The following MAGI2 variants were observed in gnomAD, a reference collection of about 807,000 sequenced individuals.
MAGI2 encodes membrane-associated guanylate kinase, WW and PDZ domain-containing protein 2.
MAGI2 carries 35 observed loss-of-function variants against 133.3 expected under a neutral mutation model. The observed-to-expected ratio is 0.26, with a 90% CI of 0.20 to 0.35. The LOEUF is 0.35. Ranked by LOEUF, MAGI2 falls within the 10% of genes least tolerant of loss-of-function variation. The pLI is 1.00. For synonymous variants in MAGI2, 729 were observed against 710.6 expected (o/e 1.03, Z -0.41); for missense variants, 1,636 against 1,863.4 (o/e 0.88, Z 2.25).
At chr7:78,058,511 G>A (rs889472630) in intron 21 of MAGI2, among the ~76,000 whole-genome samples, 1 of 138,772 alleles carries the variant, frequency 7.2e-6, no homozygotes, top group African/African-American at 2.7e-5. Context: ...TCGCTTTGTT[G>A]CCCAGGCTGG....
intron 1 of MAGI2, among the ~76,000 whole-genome samples, chr7:79,061,943 A>T (rs1406705680): frequency 6.6e-6 from 1 of 152,180 alleles, no homozygotes; most frequent in Non-Finnish European, 1.5e-5. Context: ...CATAGAAATC[A>T]TAATGCCTAC....
At chr7:78,214,898 C>T (rs762194283) in intron 10 of MAGI2, among the ~76,000 whole-genome samples, 13 of 152,146 alleles carry the variant, frequency 8.5e-5, no homozygotes, top group Non-Finnish European at 1.3e-4. Flanking sequence ...TTTCGTATCC[C>T]CAGGTTCTCC....
At chr7:78,280,599 A>G (rs1349616966) in intron 9 of MAGI2, among the ~76,000 whole-genome samples, 1 of 152,160 alleles carries the variant, frequency 6.6e-6, no homozygotes, top group African/African-American at 2.4e-5. Context: ...CCCGTGACAT[A>G]TAAGTATCAC....
intron 1 of MAGI2, among the ~76,000 whole-genome samples, chr7:79,159,048 A>T (rs567408951): frequency 6.6e-6 from 1 of 152,254 alleles, no homozygotes; most frequent in East Asian, 1.9e-4. Flanking sequence ...CAGGAAATAA[A>T]AGATGTAAAG....
chr7:78,786,329 C>T (rs775480716), intron 2 of MAGI2, among the ~76,000 whole-genome samples: 1 of 152,204 alleles, frequency 6.6e-6, no homozygotes, highest in Non-Finnish European at 1.5e-5. Flanking sequence ...CCTAACTGTT[C>T]TCCTTGCTTC....
At chr7:79,314,381 T>C (rs1207792218) in intron 1 of MAGI2, among the ~76,000 whole-genome samples, 1 of 152,184 alleles carries the variant, frequency 6.6e-6, no homozygotes, top group African/African-American at 2.4e-5. Context: ...AGTGCTGAGA[T>C]TACGGGAATA....
chr7:79,331,267 T>A (rs918216925), intron 1 of MAGI2, among the ~76,000 whole-genome samples: 1 of 152,170 alleles, frequency 6.6e-6, no homozygotes, highest in Non-Finnish European at 1.5e-5. Context: ...AATGAGTCCA[T>A]AATATGCAAA....
At chr7:78,036,215 C>T (rs780064925) in intron 21 of MAGI2, among the ~76,000 whole-genome samples, 4 of 152,148 alleles carry the variant, frequency 2.6e-5, no homozygotes, top group Non-Finnish European at 5.9e-5. Context: ...TAGAGTGAGG[C>T]AGTGTAGATA....
At position 78,439,759 on chromosome 7, in the gene MAGI2, C is replaced by T. The variant is rs539019692; in HGVS notation, c.1045+50002G>A. On this transcript the variant is annotated intron_variant, in intron 6 of 21. Coordinates refer to ENST00000354212, the MANE Select transcript of MAGI2 (RefSeq NM_012301.4). The stretch of plus-strand genomic sequence containing the variant: ...TATTTTCACCCGAATTGCTTACATA[C>T]CCTAACCTCACTGTGAGCAGGATAA... Among the ~76,000 whole-genome samples, 44 of 152,228 alleles carry T rather than the reference C, an allele frequency of 2.9e-4. No individual in the cohort carries two copies. In the Middle Eastern group the frequency reaches 0.014, roughly 47 times the overall value.
chr7:78,240,108 T>C (rs1790979967), intron 10 of MAGI2, among the ~76,000 whole-genome samples: 1 of 152,186 alleles, frequency 6.6e-6, no homozygotes, highest in Non-Finnish European at 1.5e-5. Flanking sequence ...ACGTTAGGTA[T>C]TTCTCCTAAT....
intron 2 of MAGI2, among the ~76,000 whole-genome samples, chr7:78,652,682 G>T (rs140687198): frequency 3.3e-5 from 5 of 151,880 alleles, no homozygotes; most frequent in Non-Finnish European, 7.4e-5. Context: ...CATGAAAACC[G>T]TAGAAGAAAA....
At chr7:78,492,581 C>T (rs908952695) in intron 5 of MAGI2, among the ~76,000 whole-genome samples, 6 of 152,042 alleles carry the variant, frequency 3.9e-5, no homozygotes, top group South Asian at 2.1e-4. Flanking sequence ...ATTTGAAAAC[C>T]GAATTAAATG....
At chr7:78,316,393 T>C (rs1212722395) in intron 9 of MAGI2, among the ~76,000 whole-genome samples, 2 of 152,222 alleles carry the variant, frequency 1.3e-5, no homozygotes, top group Non-Finnish European at 2.9e-5. Flanking sequence ...AATGAAGCTC[T>C]TTAAACATTC....
In MAGI2 at chr7:79,435,759, T is replaced by C. The variant is rs553285895; in HGVS notation, c.301+17261A>G. ...ATTTTTCTCAGAATTAGAAACAAAA[T>C]TTATTATAAAATTCATCTGAAACCA... On this transcript the variant is annotated intron_variant, in intron 1 of 21. Transcript: ENST00000354212. 7.2e-5 allele frequency among the ~76,000 whole-genome samples: 11 copies of C among 152,014 alleles called. No individual in the cohort carries two copies. The East Asian group carries it at 2.1e-3, about 29-fold the overall frequency.
At chr7:79,113,882 C>A (rs1293865759) in intron 1 of MAGI2, among the ~76,000 whole-genome samples, 2 of 152,016 alleles carry the variant, frequency 1.3e-5, no homozygotes, top group Non-Finnish European at 2.9e-5. Context: ...TAATGTCAGA[C>A]TTGACTATTT....
chr7:78,928,321 G>C (rs1174114459), intron 2 of MAGI2, among the ~76,000 whole-genome samples: 1 of 151,852 alleles, frequency 6.6e-6, no homozygotes, highest in African/African-American at 2.4e-5. Flanking sequence ...ATGACAAAGA[G>C]AGTCCCTTTT....
At chr7:78,903,350 C>T (rs1301068930) in intron 2 of MAGI2, among the ~76,000 whole-genome samples, 2 of 151,776 alleles carry the variant, frequency 1.3e-5, no homozygotes, top group African/African-American at 4.8e-5. Context: ...CCCGCTACCA[C>T]GCCCGGCTAA....
chr7:78,497,178 CAA>C (rs748147034), intron 5 of MAGI2, among the ~76,000 whole-genome samples: 1 of 152,006 alleles, frequency 6.6e-6, no homozygotes, highest in Non-Finnish European at 1.5e-5. Context: ...GATGATGAGT[CAA>C]AGAGATTACT....
chr7:79,300,451 G>T (rs2178169), intron 1 of MAGI2, among the ~76,000 whole-genome samples: 141,763 of 152,214 alleles, frequency 0.93, 66,375 homozygotes, highest in Non-Finnish European at 0.98. Flanking sequence ...TCAAAGTGAT[G>T]ATTTAGGGTA....
Sources: gnomAD v4.1 joint callset for allele counts (sites outside exome capture counted in the v4.1 genomes callset) on GRCh38, gnomAD v4.1.1 for gene constraint, MANE v1.5 for transcripts, NCBI Gene and HGNC (gene_info 2026-07-23, HGNC 2026-07-21) for gene names.